Variants in CAMK2G observed in about 807,000 individuals in gnomAD.
CAMK2G encodes the protein calcium/calmodulin dependent protein kinase II gamma.
In CAMK2G, 23 loss-of-function variants were observed where a neutral mutation model predicts 88.7. The ratio of observed to expected loss-of-function variants is 0.26; its 90% CI spans 0.19 to 0.37. The LOEUF (loss-of-function observed/expected upper bound fraction) is 0.37, where lower values mean the gene tolerates loss of function less well. CAMK2G is among the 10% of genes least tolerant of loss of function. CAMK2G has a pLI of 1.00. For missense variants in CAMK2G, 476 were observed against 780.8 expected (o/e 0.61, Z 4.65); for synonymous variants, 263 against 294.8 (o/e 0.89, Z 1.11).
chr10:73,872,008 T>C (rs1321623867), intron 2 of CAMK2G, among the ~76,000 whole-genome samples: 1 of 152,214 alleles, frequency 6.6e-6, no homozygotes, highest in Non-Finnish European at 1.5e-5. Flanking sequence ...AATATATTTA[T>C]GGCATCCTAC....
At chr10:73,820,492 A>ATTTTTTT (rs1166533591) in intron 18 of CAMK2G, among the ~76,000 whole-genome samples, 33 of 51,060 alleles carry the variant, frequency 6.5e-4, no homozygotes, top group African/African-American at 1.7e-3. Context: ...ATATATATAT[A>ATTTTTTT]TTTTTTTTTT....
Position 73,812,922 on chromosome 10 carries a change from TCCAAGCA to T in CAMK2G, c.*1589_*1595del, listed in dbSNP as rs1271639935. ...AGGTGCTCGGAGGAGCCTGGCTAAA[TCCAAGCA>T]CCAGCACCTGTGAGTCTGCTCTCTT... On this transcript the variant is annotated 3_prime_UTR_variant, in exon 23 of 23. Transcript: ENST00000423381. The T allele has an allele frequency of 6.5e-6, 1 of 152,708 alleles. No homozygotes were observed. The highest frequency in any genetic ancestry group is 2.4e-5 in the African/African-American group (1 of 41,438). 9.5% of individuals were successfully genotyped at this position (152,708 alleles called of 1,614,324 possible). A position where few individuals can be genotyped will look rare whatever the true frequency, so the allele number is the denominator to read the frequency against.
At chr10:73,862,305 C>T (rs892930680) in intron 2 of CAMK2G, among the ~76,000 whole-genome samples, 11 of 146,522 alleles carry the variant, frequency 7.5e-5, no homozygotes, top group Admixed American at 2.7e-4. Context: ...CCACCCCCCC[C>T]CCCCCCGATT....
rs929099593 is a variant in CAMK2G, at chr10:73,853,319, C to T, written c.221-73G>A. 4 of 1,323,816 alleles carry T rather than the reference C, an allele frequency of 3.0e-6. No homozygotes were observed. In the African/African-American group the frequency reaches 4.3e-5, roughly 14 times the overall value. 82.0% of individuals were successfully genotyped at this position (1,323,816 alleles called of 1,614,324 possible). A position where few individuals can be genotyped will look rare whatever the true frequency, so the allele number is the denominator to read the frequency against. On this transcript the variant is annotated intron_variant, in intron 3 of 22. Coordinates refer to ENST00000423381, the MANE Select transcript of CAMK2G (RefSeq NM_001367534.1). ...AAATCCTAGGCTTCTCCTCAGCAGC[C>T]CCACCCCTGCCCCATCCTGTCGGGC...
chr10:73,868,622 C>T (rs866852815), intron 2 of CAMK2G, among the ~76,000 whole-genome samples: 31 of 152,324 alleles, frequency 2.0e-4, no homozygotes, highest in African/African-American at 6.3e-4. Flanking sequence ...AATGCTTCCT[C>T]GAGGCCTGTG....
intron 5 of CAMK2G, among the ~76,000 whole-genome samples, chr10:73,850,242 C>G (rs889083734): frequency 2.0e-5 from 3 of 152,170 alleles, no homozygotes; most frequent in Non-Finnish European, 4.4e-5. Flanking sequence ...AGTGATCCAC[C>G]CACCTTGGCC....
chr10:73,830,499 T>A (rs970972723), intron 14 of CAMK2G, among the ~76,000 whole-genome samples: 1 of 152,276 alleles, frequency 6.6e-6, no homozygotes, highest in Admixed American at 6.5e-5. Context: ...ATATTTATTT[T>A]AAATTTTAAG....
At chr10:73,853,159 A>G in intron 4 of CAMK2G, 33 bp downstream of exon 4, 1 of 1,603,982 alleles carries the variant, frequency 6.2e-7, no homozygotes, top group Non-Finnish European at 8.5e-7. Context: ...GCTAGAGGGA[A>G]AGGCCCCCAC....
At position 73,866,207 on chromosome 10, in the gene CAMK2G, A is replaced by AT. The variant is rs1451037390; in HGVS notation, c.161-5319dup. Reference sequence around the variant, plus strand: ...TCAGGACTTGGTCCAAGGTGCCACGATTTCACAGGAAGGGCAGCAAGAAGT... The same window carrying AT: ...TCAGGACTTGGTCCAAGGTGCCACGATTTTCACAGGAAGGGCAGCAAGAAGT... On this transcript the variant is annotated intron_variant, in intron 2 of 22. Transcript: ENST00000423381. Among the ~76,000 whole-genome samples the AT allele has an allele frequency of 2.0e-5, 3 of 152,262 alleles. No individual in the cohort carries two copies. The East Asian group carries it at 5.8e-4, about 29-fold the overall frequency.
intron 15 of CAMK2G, among the ~76,000 whole-genome samples, chr10:73,826,344 A>G (rs551481805): frequency 9.9e-5 from 15 of 152,176 alleles, no homozygotes; most frequent in Non-Finnish European, 1.8e-4. Context: ...GAGACAAGAG[A>G]ATTGCTTGAA....
rs565472105 is a variant in CAMK2G, at chr10:73,831,687, C to T, written c.1054-3566G>A. ...GAGTTCAAGACTAGCCTGGGCAACC[C>T]CGTCTCTACTAAAAATACAAAAATC... On this transcript the variant is annotated intron_variant, in intron 14 of 22. Transcript: ENST00000423381. 2.0e-5 allele frequency among the ~76,000 whole-genome samples: 3 copies of T among 151,170 alleles called. No homozygotes were observed. The South Asian group carries it at 6.3e-4, about 32-fold the overall frequency.
intron 15 of CAMK2G, among the ~76,000 whole-genome samples, chr10:73,825,621 T>G (rs1417961956): frequency 6.6e-6 from 1 of 152,190 alleles, no homozygotes; most frequent in Admixed American, 6.5e-5. Context: ...TTATGCCAGG[T>G]GCCAGGTCAT....
intron 10 of CAMK2G, among the ~76,000 whole-genome samples, chr10:73,843,416 C>G (rs763155891): frequency 1.3e-5 from 2 of 152,094 alleles, no homozygotes; most frequent in Admixed American, 6.5e-5. Context: ...ACTTCCTGGC[C>G]TCCTTAAACA....
At chr10:73,825,401 G>C (rs1352797920) in intron 15 of CAMK2G, 54 bp from the exon 16 acceptor site, 4 of 1,403,152 alleles carry the variant, frequency 2.9e-6, no homozygotes, top group Non-Finnish European at 4.1e-6. Flanking sequence ...AGGCCACTCA[G>C]GTTCAACTCC....
intron 5 of CAMK2G, among the ~76,000 whole-genome samples, chr10:73,851,284 A>G (rs933778950): frequency 6.6e-6 from 1 of 152,194 alleles, no homozygotes. Flanking sequence ...CCTCGAGAAA[A>G]GCAAGGCTGG....
chr10:73,812,562 TGAAG>T lies in CAMK2G; in HGVS notation c.*1952_*1955del, dbSNP rs2084487676. 6.5e-6 allele frequency: 1 copy of T among 152,674 alleles called. No individual in the cohort carries two copies. Among genetic ancestry groups the T allele is most frequent in the African/African-American group, 2.4e-5 (1 of 41,466 alleles). The allele number at this position is 152,674 out of a possible 1,614,324, so 9.5% of individuals were successfully genotyped here. A position where few individuals can be genotyped will look rare whatever the true frequency, so the allele number is the denominator to read the frequency against. ...TCAAGGTTTCATTGTAACAAAGCTA[TGAAG>T]GGTCTACCAACATTCAGAACAAACA... On this transcript the variant is annotated 3_prime_UTR_variant, in exon 23 of 23. Coordinates refer to ENST00000423381, the MANE Select transcript of CAMK2G (RefSeq NM_001367534.1).
intron 14 of CAMK2G, among the ~76,000 whole-genome samples, chr10:73,830,224 GCTGGGCTC>G (rs1019771306): frequency 4.6e-5 from 7 of 152,164 alleles, no homozygotes; most frequent in African/African-American, 1.7e-4. Context: ...GCCATGCATA[GCTGGGCTC>G]CTTCTGAACC....
intron 19 of CAMK2G, chr10:73,818,801 C>A (rs1402569346): frequency 2.2e-6 from 1 of 456,260 alleles, no homozygotes. Context: ...CTGACTGGGG[C>A]CCCACGGGCG....
rs545663173 is a variant in CAMK2G, at chr10:73,837,612, G to C, written c.1010-101C>G. 3.3e-4 allele frequency: 306 copies of C among 932,398 alleles called. 1 individual carries two copies. The highest frequency in any genetic ancestry group is 4.8e-4 in the Non-Finnish European group (270 of 558,396). 57.8% of individuals were successfully genotyped at this position (932,398 alleles called of 1,614,324 possible). On this transcript the variant is annotated intron_variant, in intron 13 of 22. Transcript: ENST00000423381. ...ACAAGAGAGTGCTGTGTCTGACAAGGGGGCCAAGGGTCTCCCGAAACCCCC... is the reference window on the plus strand; with the variant it reads ...ACAAGAGAGTGCTGTGTCTGACAAGCGGGCCAAGGGTCTCCCGAAACCCCC...
Sources: gnomAD v4.1 joint callset for allele counts (sites outside exome capture counted in the v4.1 genomes callset) on GRCh38, gnomAD v4.1.1 for gene constraint, MANE v1.5 for transcripts, NCBI Gene and HGNC (gene_info 2026-07-23, HGNC 2026-07-21) for gene names.